Variants in TRAIP observed in about 807,000 individuals in gnomAD.
TRAIP encodes the protein TRAF interacting protein.
A neutral mutation model predicts 65.0 loss-of-function variants in TRAIP; 37 were observed. The ratio of observed to expected loss-of-function variants is 0.57; its 90% CI spans 0.44 to 0.75. The LOEUF (loss-of-function observed/expected upper bound fraction) is 0.75, where lower values mean the gene tolerates loss of function less well. Among genes scored for constraint, TRAIP ranks in the 30% least tolerant of loss-of-function variants. TRAIP has a pLI of 0.00. For synonymous variants in TRAIP, 187 were observed against 219.1 expected (o/e 0.85, Z 1.29); for missense variants, 481 against 579.4 (o/e 0.83, Z 1.74).
chr3:49,837,158 T>C (rs768200052), intron 10 of TRAIP, among the ~76,000 whole-genome samples: 11 of 151,988 alleles, frequency 7.2e-5, no homozygotes, highest in Non-Finnish European at 1.2e-4. Flanking sequence ...AGGAGAAAGG[T>C]AGAGGCAGAG....
At chr3:49,848,278 C>T (rs531706638) in intron 1 of TRAIP, 78 bp from the exon 2 acceptor site, 24 of 1,491,750 alleles carry the variant, frequency 1.6e-5, no homozygotes, top group East Asian at 7.0e-5. Context: ...ATTCTGACCA[C>T]GAAAGGGTCT....
intron 1 of TRAIP, among the ~76,000 whole-genome samples, chr3:49,855,491 T>C (rs2081963119): frequency 6.6e-6 from 1 of 152,030 alleles, no homozygotes; most frequent in Non-Finnish European, 1.5e-5. Flanking sequence ...AGTAAAAGGA[T>C]AGAAGAAAAT....
At position 49,829,294 on chromosome 3, in the gene TRAIP, C is replaced by T. The variant is rs570818858; in HGVS notation, c.1288-69G>A. On this transcript the variant is annotated intron_variant, in intron 14 of 14. Coordinates refer to ENST00000331456, the MANE Select transcript of TRAIP (RefSeq NM_005879.3). ...TGCAGGGCGAGAAAGGACTGCAATG[C>T]AGGGCAAGAAAGGCTCAGAGCCGGG... 15 of 1,613,500 alleles carry T rather than the reference C, an allele frequency of 9.3e-6. No homozygotes were observed. The South Asian group carries it at 1.5e-4, about 17-fold the overall frequency.
At chr3:49,838,972 C>T (rs1166765262) in intron 10 of TRAIP, among the ~76,000 whole-genome samples, 1 of 149,226 alleles carries the variant, frequency 6.7e-6, no homozygotes, top group African/African-American at 2.5e-5. Flanking sequence ...AGGTGGCTCA[C>T]GAGGTCAGGA....
In TRAIP at chr3:49,848,168, C is replaced by T. The variant is rs770885715; in HGVS notation, c.131G>A (p.Arg44Gln). The change falls in exon 2 of 15, where the codon CGG becomes CAG. Residue 44 changes from arginine to glutamine, a missense_variant. By Grantham distance (43) the Arg-to-Gln change is conservative. Coordinates refer to ENST00000331456, the MANE Select transcript of TRAIP (RefSeq NM_005879.3). ...LIQWFETAPSRTCPQCRIQVG... is the reference protein window; with the variant it reads ...LIQWFETAPSQTCPQCRIQVG... The stretch of plus-strand genomic sequence containing the variant: ...CTGGATTCGGCACTGTGGGCAGGTC[C>T]GACTTGGTGCTGTCTCAAACCACTG... 11 of 1,614,070 alleles carry T rather than the reference C, an allele frequency of 6.8e-6. 1 individual carries two copies. Among genetic ancestry groups the T allele is most frequent in the South Asian group, 6.6e-5 (6 of 91,084 alleles).
At chr3:49,830,367 T>C (rs1407380086) in intron 11 of TRAIP, among the ~76,000 whole-genome samples, 1 of 152,200 alleles carries the variant, frequency 6.6e-6, no homozygotes, top group Admixed American at 6.5e-5. Flanking sequence ...CACCTCACCA[T>C]GTCCCAGGCT....
chr3:49,828,957 T>G lies in TRAIP; in HGVS notation c.*146A>C. ...GAGGGCAGGAAGAGCAGTCTCTGGG[T>G]GCCACACTCACCCTCACCTGTTTGT... On this transcript the variant is annotated 3_prime_UTR_variant, in exon 15 of 15. Coordinates refer to ENST00000331456, the MANE Select transcript of TRAIP (RefSeq NM_005879.3). 9.1e-7 allele frequency: 1 copy of G among 1,101,358 alleles called. No homozygotes were observed. The allele number at this position is 1,101,358 out of a possible 1,614,324, so 68.2% of individuals were successfully genotyped here.
rs749092717 is a variant in TRAIP, at chr3:49,831,970, C to T, written c.983G>A (p.Arg328Gln). ...ATFDVDTPPARPSSSQHGYYE... is the reference protein window; with the variant it reads ...ATFDVDTPPAQPSSSQHGYYE... ...GTAACCATGCTGGGAGCTGGAGGGC[C>T]GGGCTGGGGGAGTATCCACATCAAA... Residue 328 changes from arginine (R) to glutamine (Q), a missense_variant, in exon 11 of 15, where the codon CGG becomes CAG. Physicochemically the swap from Arg to Gln is conservative, Grantham distance 43. Transcript: ENST00000331456. The T allele has an allele frequency of 1.1e-5, 18 of 1,604,438 alleles. No individual in the cohort carries two copies. The highest frequency in any genetic ancestry group is 3.4e-5 in the Admixed American group (2 of 58,512).
chr3:49,832,430 C>T (rs1032857636), intron 10 of TRAIP, among the ~76,000 whole-genome samples: 8 of 146,382 alleles, frequency 5.5e-5, no homozygotes, highest in African/African-American at 1.0e-4. Flanking sequence ...GCAGAGCTTG[C>T]GGTGAGCCGA....
In TRAIP at chr3:49,828,601, T is replaced by C. The variant is rs931037771; in HGVS notation, c.*502A>G. The C allele has an allele frequency of 3.3e-5, 4 of 121,656 alleles. No homozygotes were observed. Among genetic ancestry groups the C allele is most frequent in the Non-Finnish European group, 5.6e-5 (3 of 53,588 alleles). 7.5% of individuals were successfully genotyped at this position (121,656 alleles called of 1,614,324 possible). ...CACTCTCAGAACCAGGAAGAAGAGA[T>C]TGTTTTTTTTTTTTAATTTTATTTT... On this transcript the variant is annotated 3_prime_UTR_variant, in exon 15 of 15. Coordinates refer to ENST00000331456, the MANE Select transcript of TRAIP (RefSeq NM_005879.3).
At position 49,829,722 on chromosome 3, in the gene TRAIP, T is replaced by G. The variant is rs970240253; in HGVS notation, c.1131A>C (p.Pro377=). ...GGAAGGCACCAACCAGTTCCTCATC[T>G]GGCTCTCCTGCACAGCTCTGGCCAC... is the stretch of plus-strand genomic sequence containing the variant. The part of the protein sequence containing the change: ...SLGGQSCAGE[P]DEELVGAFPI... The change falls in exon 13 of 15, where the codon CCA becomes CCC. Residue 377 remains proline, a synonymous_variant. Transcript: ENST00000331456. The G allele has an allele frequency of 2.5e-5, 40 of 1,614,170 alleles. No homozygotes were observed. The highest frequency in any genetic ancestry group is 3.3e-5 in the Non-Finnish European group (39 of 1,180,034).
chr3:49,840,399 G>A (rs1030002534), intron 8 of TRAIP, 26 bp from the exon 9 acceptor site: 1 of 1,601,856 alleles, frequency 6.2e-7, no homozygotes, highest in South Asian at 1.1e-5. Flanking sequence ...GGGAATGAAA[G>A]ACAAGCCAAG....
chr3:49,847,445 A>G, intron 3 of TRAIP, 80 bp downstream of exon 3: 1 of 907,152 alleles, frequency 1.1e-6, no homozygotes, highest in East Asian at 2.4e-5. Flanking sequence ...AAGAGAAGAG[A>G]AAAAAGAAAA....
At chr3:49,847,249 G>A (rs1575397812) in intron 3 of TRAIP, among the ~76,000 whole-genome samples, 1 of 151,380 alleles carries the variant, frequency 6.6e-6, no homozygotes, top group East Asian at 1.9e-4. Flanking sequence ...GAGCATGGTG[G>A]TGCACCCCTA....
chr3:49,844,461 G>A (rs1424506747), intron 4 of TRAIP, 80 bp downstream of exon 4: 8 of 1,540,826 alleles, frequency 5.2e-6, no homozygotes, highest in Non-Finnish European at 5.3e-6. Flanking sequence ...CAAACGGTTT[G>A]AAACCTTCCT....
chr3:49,835,661 C>T (rs1446903384), intron 10 of TRAIP, among the ~76,000 whole-genome samples: 2 of 151,916 alleles, frequency 1.3e-5, no homozygotes, highest in South Asian at 2.1e-4. Context: ...ACTTCTTGGC[C>T]GGGCACGGTG....
intron 1 of TRAIP, among the ~76,000 whole-genome samples, chr3:49,855,248 G>A (rs937080312): frequency 1.3e-5 from 2 of 151,848 alleles, no homozygotes; most frequent in Non-Finnish European, 1.5e-5. Flanking sequence ...TCAGGAGTTC[G>A]AGACCAGCCT....
chr3:49,837,103 C>G (rs2081795873), intron 10 of TRAIP, among the ~76,000 whole-genome samples: 1 of 151,852 alleles, frequency 6.6e-6, no homozygotes, highest in African/African-American at 2.4e-5. Context: ...CCCAAGAAAA[C>G]TTAAGACTTC....
At chr3:49,838,664 T>A (rs539616222) in intron 10 of TRAIP, among the ~76,000 whole-genome samples, 2 of 152,078 alleles carry the variant, frequency 1.3e-5, no homozygotes, top group Non-Finnish European at 2.9e-5. Context: ...AGTGGGCAGA[T>A]TGCTTGAGGT....
Sources: allele counts gnomAD v4.1 joint callset (sites outside exome capture counted in the v4.1 genomes callset), GRCh38; gene constraint gnomAD v4.1.1; transcripts MANE v1.5; gene names NCBI Gene and HGNC (gene_info 2026-07-23, HGNC 2026-07-21).